The following SRRM3 variants were observed in gnomAD, a reference collection of about 807,000 sequenced individuals.
SRRM3 encodes the protein serine/arginine repetitive matrix 3.
In SRRM3, 27 loss-of-function variants were observed where a neutral mutation model predicts 66.2. The ratio of observed to expected loss-of-function variants is 0.41; its 90% CI spans 0.30 to 0.56. The LOEUF is 0.56. SRRM3 is among the 20% of genes least tolerant of loss of function. SRRM3 has a pLI of 0.32. For synonymous variants in SRRM3, 391 were observed against 414.9 expected (o/e 0.94, Z 0.70); for missense variants, 918 against 991.9 (o/e 0.93, Z 1.00).
chr7:76,243,961 C>G (rs1207254032), intron 2 of SRRM3, among the ~76,000 whole-genome samples: 2 of 152,222 alleles, frequency 1.3e-5, no homozygotes, highest in Non-Finnish European at 2.9e-5. Flanking sequence ...AACTCACATG[C>G]CCAGACAAGG....
At chr7:76,284,373 T>C (rs942778533) in intron 14 of SRRM3, among the ~76,000 whole-genome samples, 2 of 152,080 alleles carry the variant, frequency 1.3e-5, no homozygotes, top group African/African-American at 4.8e-5. Flanking sequence ...AGACGGGGTT[T>C]CACCATGTTA....
chr7:76,248,435 A>G, intron 3 of SRRM3, 146 bp downstream of exon 3: 1 of 631,638 alleles, frequency 1.6e-6, no homozygotes, highest in Non-Finnish European at 2.8e-6. Flanking sequence ...GAAGGAGAGG[A>G]GAGCATGGTC....
At chr7:76,280,459 C>G (rs956695157) in intron 11 of SRRM3, among the ~76,000 whole-genome samples, 1 of 150,356 alleles carries the variant, frequency 6.7e-6, no homozygotes, top group Admixed American at 6.6e-5. Flanking sequence ...TGGGCTGGCC[C>G]TGGCCCCGCT....
chr7:76,282,590 GC>G, intron 12 of SRRM3, 57 bp from the exon 13 acceptor site: 2 of 94,760 alleles, frequency 2.1e-5, no homozygotes, highest in Admixed American at 3.6e-4. Flanking sequence ...AACCCTCCCC[GC>G]CCCCAGCCCC....
intron 1 of SRRM3, among the ~76,000 whole-genome samples, chr7:76,210,156 C>T (rs1800395010): frequency 6.6e-6 from 1 of 152,198 alleles, no homozygotes; most frequent in African/African-American, 2.4e-5. Flanking sequence ...GCTGGGCAAC[C>T]TGCCCCCTAC....
intron 1 of SRRM3, among the ~76,000 whole-genome samples, chr7:76,229,741 C>CTTTT (rs869140956): frequency 6.2e-4 from 83 of 133,062 alleles, no homozygotes; most frequent in Non-Finnish European, 8.4e-4. Context: ...TCTTCTTCTT[C>CTTTT]TTTTTTTTTT....
rs185686516 is a variant in SRRM3, at chr7:76,285,392, G to A, written c.1734-223G>A. On this transcript the variant is annotated intron_variant, in intron 14 of 14. Transcript: ENST00000611745. The surrounding 1 kb of genome is among the most constrained non-coding windows in gnomAD (Gnocchi z 4.1). ...ACAAGTATTTATTAGCAGGTGTTCG[G>A]ATCGGGCAGAGACATGGTCTCCTTT... The A allele has an allele frequency of 1.0e-5, 6 of 572,794 alleles. No homozygotes were observed. Among genetic ancestry groups the A allele is most frequent in the Admixed American group, 9.4e-5 (3 of 31,946 alleles). 35.5% of individuals were successfully genotyped at this position (572,794 alleles called of 1,614,324 possible).
intron 1 of SRRM3, among the ~76,000 whole-genome samples, chr7:76,224,897 C>A (rs938449502): frequency 6.6e-5 from 10 of 152,132 alleles, no homozygotes; most frequent in African/African-American, 2.4e-4. Context: ...ATCAAAGGCT[C>A]GTCTTGAGAC....
At chr7:76,210,795 G>A (rs1800413541) in intron 1 of SRRM3, among the ~76,000 whole-genome samples, 1 of 151,668 alleles carries the variant, frequency 6.6e-6, no homozygotes, top group South Asian at 2.1e-4. Flanking sequence ...TTGAGCCCCA[G>A]CAGCCCTGGA....
intron 1 of SRRM3, among the ~76,000 whole-genome samples, chr7:76,233,727 T>G (rs781842740): frequency 6.6e-6 from 1 of 151,320 alleles, no homozygotes; most frequent in Admixed American, 6.6e-5. Flanking sequence ...CAGAGAGGGG[T>G]AGTGACATCT....
intron 5 of SRRM3, 90 bp downstream of exon 5, chr7:76,260,287 T>G: frequency 5.2e-6 from 5 of 969,010 alleles, no homozygotes; most frequent in South Asian, 1.9e-5. Flanking sequence ...CATGCAGCAT[T>G]TGTGAGCCCC....
chr7:76,258,869 T>A (rs1554608147), intron 3 of SRRM3, among the ~76,000 whole-genome samples: 1 of 150,872 alleles, frequency 6.6e-6, no homozygotes, highest in Non-Finnish European at 1.5e-5. Flanking sequence ...CCAGCCTGAC[T>A]AACATGGAGA....
At chr7:76,239,611 G>A (rs1401536849) in intron 2 of SRRM3, among the ~76,000 whole-genome samples, 1 of 152,094 alleles carries the variant, frequency 6.6e-6, no homozygotes, top group Non-Finnish European at 1.5e-5. Flanking sequence ...GCTGAGGTGA[G>A]AGGATTACTT....
At chr7:76,235,419 G>A in intron 2 of SRRM3, 120 bp downstream of exon 2, 1 of 903,328 alleles carries the variant, frequency 1.1e-6, no homozygotes, top group Middle Eastern at 3.5e-4. Flanking sequence ...GCGGGGCTAG[G>A]GGCTATTAGG....
chr7:76,267,695 G>C (rs1423512797), intron 11 of SRRM3: 4 of 372,514 alleles, frequency 1.1e-5, no homozygotes, highest in African/African-American at 8.5e-5. Context: ...TTGGCAAACT[G>C]AAGGCCAGAG....
At chr7:76,222,819 C>T (rs568678956) in intron 1 of SRRM3, among the ~76,000 whole-genome samples, 1 of 151,870 alleles carries the variant, frequency 6.6e-6, no homozygotes, top group Non-Finnish European at 1.5e-5. Context: ...ACAGGCCAGG[C>T]TGACCAGGCT....
At chr7:76,247,558 G>A (rs558609535) in intron 2 of SRRM3, among the ~76,000 whole-genome samples, 1 of 152,274 alleles carries the variant, frequency 6.6e-6, no homozygotes, top group East Asian at 1.9e-4. Flanking sequence ...CCTGGTGGGT[G>A]GAGGAGGGTA....
intron 3 of SRRM3, 32 bp downstream of exon 3, chr7:76,248,321 A>T (rs1016730723): frequency 3.2e-6 from 5 of 1,552,818 alleles, no homozygotes; most frequent in African/African-American, 1.4e-5. Flanking sequence ...GATGAGGGAG[A>T]GGGGGTGCAG....
chr7:76,274,262 TG>T (rs782087439), intron 11 of SRRM3, among the ~76,000 whole-genome samples: 7 of 152,236 alleles, frequency 4.6e-5, no homozygotes, highest in Non-Finnish European at 7.3e-5. Context: ...AACGGAACTC[TG>T]GGCTTCCTCA....
Sources: gnomAD v4.1 joint callset for allele counts (sites outside exome capture counted in the v4.1 genomes callset) on GRCh38, gnomAD v4.1.1 for gene constraint, Gnocchi (gnomAD v3.1) non-coding constraint, MANE v1.5 for transcripts, NCBI Gene and HGNC (gene_info 2026-07-23, HGNC 2026-07-21) for gene names.